Variants in SPEF2 observed in about 807,000 individuals in gnomAD.
The protein encoded by SPEF2 is sperm flagellar and cilia associated 2, also known as sperm flagella and cilia-associated protein 2.
In SPEF2, 187 loss-of-function variants were observed where a neutral mutation model predicts 224.6. The ratio of observed to expected loss-of-function variants is 0.83; its 90% CI spans 0.74 to 0.94. The LOEUF is 0.94. SPEF2 is among the 40% of genes least tolerant of loss of function. The pLI, the probability that SPEF2 is intolerant of heterozygous loss-of-function variation, is 0.00. For synonymous variants in SPEF2, 715 were observed against 707.3 expected (o/e 1.01, Z -0.17); for missense variants, 2,170 against 2,135.6 (o/e 1.02, Z -0.32).
intron 26 of SPEF2, 135 bp downstream of exon 26, chr5:35,763,837 T>C: frequency 1.3e-6 from 1 of 766,932 alleles, no homozygotes; most frequent in Non-Finnish European, 1.9e-6. Context: ...AACATTTTTT[T>C]TCTGAAAGAA....
At chr5:35,765,104 A>G (rs1751914928) in intron 26 of SPEF2, among the ~76,000 whole-genome samples, 1 of 152,112 alleles carries the variant, frequency 6.6e-6, no homozygotes, top group Non-Finnish European at 1.5e-5. Flanking sequence ...CTGCCTTTTT[A>G]GGAATCATTT....
chr5:35,691,404 CT>C, intron 11 of SPEF2, 148 bp downstream of exon 11: 1 of 660,538 alleles, frequency 1.5e-6, no homozygotes, highest in Non-Finnish European at 2.5e-6. Flanking sequence ...ATTTTCCAGG[CT>C]ACGATTATTC....
rs1757453282 is a variant in SPEF2 at position 35,801,762 on chromosome 5, T to C, written c.5010+1615T>C. On this transcript the variant is annotated intron_variant, in intron 34 of 36. Coordinates refer to ENST00000356031, the MANE Select transcript of SPEF2 (RefSeq NM_024867.4). The stretch of plus-strand genomic sequence containing the variant: ...TTCCCATGGTGCACCCTGCTTCCCC[T>C]ACAAGATACTCCTCACCTGGCAATG... 1.3e-5 allele frequency among the ~76,000 whole-genome samples: 2 copies of C among 152,070 alleles called. 1 individual carries two copies. Among genetic ancestry groups the C allele is most frequent in the South Asian group, 4.1e-4 (2 of 4,820 alleles).
chr5:35,648,436 G>A (rs1747721316), intron 5 of SPEF2, among the ~76,000 whole-genome samples: 1 of 150,876 alleles, frequency 6.6e-6, no homozygotes, highest in Non-Finnish European at 1.5e-5. Context: ...CCAGGCTGGA[G>A]TGCAGTGGTA....
intron 23 of SPEF2, among the ~76,000 whole-genome samples, chr5:35,746,781 C>T (rs898254279): frequency 2.0e-5 from 3 of 152,064 alleles, no homozygotes; most frequent in South Asian, 4.1e-4. Flanking sequence ...TCCCCAGCCT[C>T]GCTAGAGACC....
At chr5:35,682,999 T>C (rs1002312552) in intron 10 of SPEF2, among the ~76,000 whole-genome samples, 1 of 152,166 alleles carries the variant, frequency 6.6e-6, no homozygotes, top group African/African-American at 2.4e-5. Flanking sequence ...CATTCAAGCA[T>C]GTTTGCTTCC....
intron 34 of SPEF2, among the ~76,000 whole-genome samples, chr5:35,802,555 G>A (rs920534275): frequency 4.6e-5 from 7 of 152,126 alleles, no homozygotes; most frequent in African/African-American, 1.7e-4. Context: ...GGAAAATACA[G>A]GCATTGGAAG....
At chr5:35,654,314 A>G (rs1748655474) in intron 6 of SPEF2, among the ~76,000 whole-genome samples, 1 of 152,096 alleles carries the variant, frequency 6.6e-6, no homozygotes, top group Non-Finnish European at 1.5e-5. Context: ...AAAGAAGGCT[A>G]TGATAAGGAC....
intron 21 of SPEF2, among the ~76,000 whole-genome samples, chr5:35,735,520 T>C (rs1746440435): frequency 6.6e-6 from 1 of 152,208 alleles, no homozygotes; most frequent in South Asian, 2.1e-4. Context: ...GCCTTGAAAT[T>C]CTGTGCTTGA....
At chr5:35,803,188 G>A (rs1010050012) in intron 34 of SPEF2, among the ~76,000 whole-genome samples, 2 of 152,196 alleles carry the variant, frequency 1.3e-5, no homozygotes, top group Non-Finnish European at 2.9e-5. Flanking sequence ...AGCAGACATT[G>A]CAGGCAGGCA....
At position 35,752,663 on chromosome 5, in the gene SPEF2, A is replaced by ATAT. The variant is rs1561308331; in HGVS notation, c.3331-961_3331-960insTAT. Among the ~76,000 whole-genome samples, 33 of 152,356 alleles carry ATAT rather than the reference A, an allele frequency of 2.2e-4. 3 individuals are homozygous for ATAT. The highest frequency in any genetic ancestry group is 3.4e-3 in the Middle Eastern group (1 of 294). The stretch of plus-strand genomic sequence containing the variant: ...TGACTGTATATGTTTCATTAATGGG[A>ATAT]CTGAAGCCTAATATAGTAGTATATA... On this transcript the variant is annotated intron_variant, in intron 23 of 36. Transcript: ENST00000356031.
At chr5:35,720,335 AG>A (rs1178887583) in intron 20 of SPEF2, among the ~76,000 whole-genome samples, 2 of 152,178 alleles carry the variant, frequency 1.3e-5, no homozygotes, top group African/African-American at 4.8e-5. Context: ...AAAGTCAAAA[AG>A]TTTGCTTCAG....
At chr5:35,794,900 T>G (rs990077226) in intron 32 of SPEF2, among the ~76,000 whole-genome samples, 2 of 152,162 alleles carry the variant, frequency 1.3e-5, no homozygotes, top group African/African-American at 4.8e-5. Context: ...CTCTGCCCTC[T>G]GCCCTTCCGC....
intron 33 of SPEF2, among the ~76,000 whole-genome samples, chr5:35,796,581 A>G (rs1430311914): frequency 1.4e-5 from 2 of 147,564 alleles, no homozygotes; most frequent in South Asian, 2.2e-4. Flanking sequence ...CACTGCAGTC[A>G]GGCCTGGGCG....
At chr5:35,782,042 C>A (rs563248007) in intron 30 of SPEF2, among the ~76,000 whole-genome samples, 2 of 152,228 alleles carry the variant, frequency 1.3e-5, no homozygotes, top group South Asian at 4.2e-4. Flanking sequence ...CTCTTCTGGC[C>A]CCACAAAGTA....
At chr5:35,724,632 T>C (rs1744320401) in intron 20 of SPEF2, among the ~76,000 whole-genome samples, 1 of 152,220 alleles carries the variant, frequency 6.6e-6, no homozygotes, top group South Asian at 2.1e-4. Context: ...CTCTGCCATT[T>C]ACCATATATG....
Position 35,648,970 on chromosome 5 carries a change from C to T in SPEF2, c.727-391C>T, listed in dbSNP as rs373521643. On this transcript the variant is annotated intron_variant, in intron 5 of 36. Transcript: ENST00000356031. ...TGGAGGATGCCTTGAGCCGAGATCG[C>T]GCCACTGCATTCCAGCCTGGGCGAC... 1.4e-4 allele frequency among the ~76,000 whole-genome samples: 21 copies of T among 150,020 alleles called. No individual in the cohort carries two copies. In the East Asian group the frequency reaches 2.6e-3, roughly 18 times the overall value.
intron 34 of SPEF2, among the ~76,000 whole-genome samples, chr5:35,806,367 A>C (rs1188128832): frequency 6.6e-6 from 1 of 152,232 alleles, no homozygotes; most frequent in Non-Finnish European, 1.5e-5. Context: ...CAATTTCAAA[A>C]GCAAATCTTG....
intron 36 of SPEF2, chr5:35,807,561 C>T: frequency 2.3e-6 from 3 of 1,312,356 alleles, no homozygotes; most frequent in Non-Finnish European, 3.2e-6. Flanking sequence ...AATAAGATTC[C>T]TCCTGCCAAA....
Sources: gnomAD v4.1 joint callset for allele counts (sites outside exome capture counted in the v4.1 genomes callset) on GRCh38, gnomAD v4.1.1 for gene constraint, MANE v1.5 for transcripts, NCBI Gene and HGNC (gene_info 2026-07-23, HGNC 2026-07-21) for gene names.